JMJD1C: variants seen among roughly 807,000 people sequenced by gnomAD.
JMJD1C encodes jumonji domain-containing protein 1C.
Under a neutral mutation model 245.3 loss-of-function variants are expected in JMJD1C, and 31 were observed. The ratio of observed to expected loss-of-function variants is 0.13; its 90% confidence interval spans 0.09 to 0.17. JMJD1C has a LOEUF of 0.17. Ranked by LOEUF, JMJD1C falls within the 10% of genes least tolerant of loss-of-function variation. The pLI, the probability that JMJD1C is intolerant of heterozygous loss-of-function variation, is 1.00. For synonymous variants in JMJD1C, 1,057 were observed against 1,017.4 expected, an observed-to-expected ratio of 1.04 and a Z score of -0.74; for missense variants, 2,691 against 3,000.2, an observed-to-expected ratio of 0.90 and a Z score of 2.41.
intron 2 of JMJD1C, among the ~76,000 whole-genome samples, chr10:63,339,381 A>G (rs1188607979): frequency 2.6e-5 from 4 of 152,258 alleles, no homozygotes; most frequent in African/African-American, 4.8e-5. Flanking sequence ...CCTTGAAAAA[A>G]TAACACTTGC....
chr10:63,199,148 A>C (rs951580603), intron 11 of JMJD1C, among the ~76,000 whole-genome samples: 1 of 152,136 alleles, frequency 6.6e-6, no homozygotes, highest in Admixed American at 6.5e-5. Flanking sequence ...AATGCCAACT[A>C]TACATATATT....
At position 63,264,861 on chromosome 10, in the gene JMJD1C, CACT is replaced by C. The variant is rs1855335283; in HGVS notation, c.334-100_334-98del. 4.6e-6 allele frequency: 3 copies of C among 645,366 alleles called. No homozygotes were observed. In the East Asian group the frequency reaches 8.4e-5, roughly 18 times the overall value. The allele number at this position is 645,366 out of a possible 1,614,324, so 40.0% of individuals were successfully genotyped here. On this transcript the variant is annotated intron_variant, in intron 2 of 25. Coordinates refer to ENST00000399262, the MANE Select transcript of JMJD1C (RefSeq NM_032776.3). ...CAATACAATGTATCAATGTCATTAT[CACT>C]ACAGAGTCTTAGGGTACCTAATATT...
intron 3 of JMJD1C, among the ~76,000 whole-genome samples, chr10:63,229,958 A>G (rs1849763594): frequency 6.6e-6 from 1 of 152,236 alleles, no homozygotes; most frequent in African/African-American, 2.4e-5. Context: ...ACATACTGGT[A>G]AGCATATTCA....
intron 3 of JMJD1C, among the ~76,000 whole-genome samples, chr10:63,234,815 AG>A (rs1850525948): frequency 6.6e-6 from 1 of 152,038 alleles, no homozygotes; most frequent in Admixed American, 6.6e-5. Flanking sequence ...CTATTCTATT[AG>A]TACGACATTG....
chr10:63,238,290 A>G (rs1427718656), intron 3 of JMJD1C, among the ~76,000 whole-genome samples: 1 of 151,882 alleles, frequency 6.6e-6, no homozygotes, highest in Non-Finnish European at 1.5e-5. Flanking sequence ...TATTATCCAT[A>G]GTACTCTTTA....
intron 2 of JMJD1C, among the ~76,000 whole-genome samples, chr10:63,276,811 T>C (rs1856817942): frequency 6.6e-6 from 1 of 151,012 alleles, no homozygotes; most frequent in Non-Finnish European, 1.5e-5. Context: ...CCACAAAATA[T>C]GAGACTCACT....
chr10:63,202,344 G>GT (rs1846115870), intron 10 of JMJD1C: 1 of 984,008 alleles, frequency 1.0e-6, no homozygotes, highest in Non-Finnish European at 1.2e-6. Context: ...CCATATTAAT[G>GT]TATCTATATG....
At chr10:63,411,063 T>C (rs1949443723) in intron 1 of JMJD1C, among the ~76,000 whole-genome samples, 1 of 152,192 alleles carries the variant, frequency 6.6e-6, no homozygotes. Flanking sequence ...TGTGATGTTA[T>C]GGCAGCCCTA....
At chr10:63,508,070 T>G (rs1048328747) in intron 1 of JMJD1C, among the ~76,000 whole-genome samples, 1 of 152,042 alleles carries the variant, frequency 6.6e-6, no homozygotes, top group African/African-American at 2.4e-5. Flanking sequence ...AAAAAAAAAT[T>G]AACTTTAATG....
chr10:63,498,353 C>CAT (rs1413860995), intron 1 of JMJD1C, among the ~76,000 whole-genome samples: 2 of 152,100 alleles, frequency 1.3e-5, no homozygotes, highest in Admixed American at 6.5e-5. Context: ...ATAAGCTTTA[C>CAT]ATATTTGAAA....
At chr10:63,316,177 C>A (rs1164405010) in intron 2 of JMJD1C, among the ~76,000 whole-genome samples, 1 of 152,142 alleles carries the variant, frequency 6.6e-6, no homozygotes, top group Non-Finnish European at 1.5e-5. Flanking sequence ...GTCTCAAAAG[C>A]AAACACGCAA....
chr10:63,220,966 C>T (rs2133286290), intron 3 of JMJD1C, among the ~76,000 whole-genome samples: 1 of 151,926 alleles, frequency 6.6e-6, no homozygotes, highest in East Asian at 1.9e-4. Context: ...AAAATATTAG[C>T]TGGGTGTGGT....
At chr10:63,246,192 A>C (rs537772632) in intron 3 of JMJD1C, among the ~76,000 whole-genome samples, 1 of 152,194 alleles carries the variant, frequency 6.6e-6, no homozygotes, top group Non-Finnish European at 1.5e-5. Flanking sequence ...AAACTTGAGA[A>C]GGAGATAAAA....
At chr10:63,393,046 C>G (rs1948204361) in intron 1 of JMJD1C, among the ~76,000 whole-genome samples, 1 of 152,058 alleles carries the variant, frequency 6.6e-6, no homozygotes, top group Non-Finnish European at 1.5e-5. Flanking sequence ...TTAGGGAGAT[C>G]ACCTGCGCCC....
chr10:63,396,569 A>G (rs561528491), intron 1 of JMJD1C, among the ~76,000 whole-genome samples: 1 of 152,308 alleles, frequency 6.6e-6, no homozygotes, highest in East Asian at 1.9e-4. Flanking sequence ...CAATGTAGCG[A>G]ATTTGGTTGA....
Position 63,463,701 on chromosome 10 carries a change from T to C in JMJD1C, c.168+1794A>G, listed in dbSNP as rs1050542673. On this transcript the variant is annotated intron_variant, in intron 1 of 25. Coordinates refer to ENST00000399262, the MANE Select transcript of JMJD1C (RefSeq NM_032776.3). ...GGGTTCACATAGGTATGGTTCAACA[T>C]ACATTTTTCTTTTTTTGGTAAAATT... Among the ~76,000 whole-genome samples, 76 of 152,312 alleles carry C rather than the reference T, an allele frequency of 5.0e-4. 1 individual carries two copies. The highest frequency in any genetic ancestry group is 2.9e-3 in the Admixed American group (45 of 15,292).
chr10:63,297,098 GTT>G (rs879255939), intron 2 of JMJD1C, among the ~76,000 whole-genome samples: 35 of 152,180 alleles, frequency 2.3e-4, no homozygotes, highest in Non-Finnish European at 3.8e-4. Flanking sequence ...AGTATATGCA[GTT>G]TAGTTGTGTC....
intron 1 of JMJD1C, chr10:63,428,064 C>CAT: frequency 1.7e-6 from 1 of 572,594 alleles, no homozygotes; most frequent in Non-Finnish European, 3.1e-6. Context: ...ACACACAACA[C>CAT]ACATATATAT....
intron 1 of JMJD1C, among the ~76,000 whole-genome samples, chr10:63,506,391 C>A (rs769116809): frequency 6.6e-6 from 1 of 152,164 alleles, no homozygotes; most frequent in Non-Finnish European, 1.5e-5. Flanking sequence ...TTAATACACT[C>A]TTTGAAGACA....
Sources: allele counts gnomAD v4.1 joint callset (sites outside exome capture counted in the v4.1 genomes callset), GRCh38; gene constraint gnomAD v4.1.1; transcripts MANE v1.5; gene names NCBI Gene and HGNC (gene_info 2026-07-23, HGNC 2026-07-21).